RNF19B: variants seen among roughly 807,000 people sequenced by gnomAD.
RNF19B encodes ring finger protein 19B, also known as E3 ubiquitin-protein ligase RNF19B.
Under a neutral mutation model 65.5 loss-of-function variants are expected in RNF19B, and 23 were observed. The observed-to-expected ratio is 0.35, with a 90% CI of 0.25 to 0.50. The LOEUF (loss-of-function observed/expected upper bound fraction) is 0.50, where lower values mean the gene tolerates loss of function less well. Ranked by LOEUF, RNF19B falls within the 20% of genes least tolerant of loss-of-function variation. The pLI is 0.98. For missense variants in RNF19B, 794 were observed against 980.0 expected (o/e 0.81, Z 2.53); for synonymous variants, 372 against 379.6 (o/e 0.98, Z 0.23).
chr1:32,951,034 T>TCCC (rs1390387280), intron 1 of RNF19B, among the ~76,000 whole-genome samples: 1 of 151,894 alleles, frequency 6.6e-6, no homozygotes, highest in East Asian at 1.9e-4. Flanking sequence ...AGATAGGGTT[T>TCCC]CACCATGTTG....
chr1:32,948,088 G>A (rs1023506793), intron 3 of RNF19B, 134 bp downstream of exon 3: 8 of 782,992 alleles, frequency 1.0e-5, no homozygotes, highest in Admixed American at 2.5e-5. Context: ...ATGATTAGAG[G>A]AGCATGTCAG....
In RNF19B at chr1:32,963,679, T is replaced by C. The variant is rs530243838; in HGVS notation, c.635+372A>G. ...GTTGCAGTGAGCCGAGATCGCGCCA[T>C]TGCACTCCAGCCTGGGCGGCAGGGC... is the stretch of plus-strand genomic sequence containing the variant. On this transcript the variant is annotated intron_variant, in intron 1 of 8. Coordinates refer to ENST00000235150, the MANE Select transcript of RNF19B (RefSeq NM_001300826.2). 3.4e-3 allele frequency among the ~76,000 whole-genome samples: 505 copies of C among 150,556 alleles called. 1 individual carries two copies. Among genetic ancestry groups the C allele is most frequent in the Middle Eastern group, 0.027 (8 of 294 alleles).
Position 32,964,772 on chromosome 1 carries a change from G to A in RNF19B, c.-87C>T, listed in dbSNP as rs573221272. The A allele has an allele frequency of 1.4e-4, 171 of 1,217,196 alleles. 2 individuals are homozygous for A. In the East Asian group the frequency reaches 5.1e-3, roughly 36 times the overall value. 75.4% of individuals were successfully genotyped at this position (1,217,196 alleles called of 1,614,324 possible). ...CCTCAGCCAGCGCCCGGCCGCCGCC[G>A]ACGCCGCCACCACCGCCTCAACCGC... On this transcript the variant is annotated 5_prime_UTR_variant, in exon 1 of 9. Coordinates refer to ENST00000235150, the MANE Select transcript of RNF19B (RefSeq NM_001300826.2). The surrounding 1 kb of genome is among the most constrained non-coding windows in gnomAD (Gnocchi z 6.5).
chr1:32,944,017 A>G lies in RNF19B; in HGVS notation c.1402+2T>C. On this transcript the variant is annotated splice_donor_variant, in intron 6 of 8. Transcript: ENST00000235150. LOFTEE classifies it high-confidence loss of function. ...AATGGAAATAAACATCCTGCTTTTT[A>G]CCTGTGATTGGACCATCATCTTCAT... The G allele has an allele frequency of 6.3e-7, 1 of 1,599,008 alleles. No individual in the cohort carries two copies. Among genetic ancestry groups the G allele is most frequent in the Non-Finnish European group, 8.5e-7 (1 of 1,170,344 alleles).
Position 32,946,436 on chromosome 1 carries a change from A to G in RNF19B, c.1112T>C (p.Met371Thr). 6.2e-7 allele frequency: 1 copy of G among 1,613,828 alleles called. No individual in the cohort carries two copies. The highest frequency in any genetic ancestry group is 1.1e-5 in the South Asian group (1 of 91,068). The change falls in exon 4 of 9, where the codon ATG becomes ACG. Residue 371 changes from methionine (M) to threonine (T), a missense_variant. By Grantham distance (81) the Met-to-Thr change is moderately conservative. Around this residue, in one of 3 missense-constraint regions of RNF19B, gnomAD observed 52 missense variants for 108.8 expected, o/e 0.48. Coordinates refer to ENST00000235150, the MANE Select transcript of RNF19B (RefSeq NM_001300826.2). ...AACATAAACAGGAATGCCAATGACC[A>G]TGGCAGGAATGGCAATGCCAGCAAT... ...SLIAGIAIPA[M>T]VIGIPVYVGR...
intron 2 of RNF19B, among the ~76,000 whole-genome samples, 164 bp from the exon 3 acceptor site, chr1:32,948,527 C>T (rs1642420237): frequency 6.6e-6 from 1 of 152,210 alleles, no homozygotes; most frequent in African/African-American, 2.4e-5. Flanking sequence ...TTGGCTATGT[C>T]TAGACCTCAG....
chr1:32,947,782 C>T lies in RNF19B; in HGVS notation c.983+440G>A, dbSNP rs138546350. Among the ~76,000 whole-genome samples the T allele has an allele frequency of 5.3e-5, 8 of 151,706 alleles. No homozygotes were observed. The East Asian group carries it at 7.8e-4, about 15-fold the overall frequency. On this transcript the variant is annotated intron_variant, in intron 3 of 8. Coordinates refer to ENST00000235150, the MANE Select transcript of RNF19B (RefSeq NM_001300826.2). ...ACAGTTTAGTAAGATAAGATAGGTA[C>T]GTGAAGTGTAAAGTACTGACGATAT...
chr1:32,936,909 G>C lies in RNF19B; in HGVS notation c.2093C>G (p.Pro698Arg). 1 of 1,614,032 alleles carries C rather than the reference G, an allele frequency of 6.2e-7. No homozygotes were observed. Among genetic ancestry groups the C allele is most frequent in the Non-Finnish European group, 8.5e-7 (1 of 1,180,006 alleles). ...TGGGCTCGGTGCACCTTGGGCTCTG[G>C]GGGTCGAGGGGCAGGCTGCAGTATG... ...RSHTAACPST[P>R]RAQGAPSPSA... The change falls in exon 9 of 9, where the codon CCC becomes CGC. Residue 698 changes from proline to arginine, a missense_variant. Physicochemically the swap from Pro to Arg is moderately radical, Grantham distance 103 (BLOSUM62 -2). Around this residue, in one of 3 missense-constraint regions of RNF19B, gnomAD observed 368 missense variants for 447.3 expected, o/e 0.82. Transcript: ENST00000235150.
intron 1 of RNF19B, among the ~76,000 whole-genome samples, chr1:32,950,252 C>T (rs537253690): frequency 5.9e-5 from 9 of 152,212 alleles, no homozygotes; most frequent in African/African-American, 1.7e-4. Flanking sequence ...GGATTACAGG[C>T]GTGAGCCACC....
chr1:32,942,578 T>TGCA, intron 6 of RNF19B, 119 bp from the exon 7 acceptor site: 1 of 741,290 alleles, frequency 1.3e-6, no homozygotes, highest in East Asian at 2.7e-5. Flanking sequence ...AGGTACTGTG[T>TGCA]GCAGTCGCCA....
chr1:32,931,385 G>C, the RNF19B span, among the ~76,000 whole-genome samples: 4 of 152,130 alleles, frequency 2.6e-5, no homozygotes, highest in African/African-American at 9.7e-5. Flanking sequence ...GGTGGGACAC[G>C]AGAAGTATTA....
chr1:32,942,184 A>C (rs1642250721), intron 7 of RNF19B, 68 bp downstream of exon 7: 12 of 1,282,058 alleles, frequency 9.4e-6, no homozygotes, highest in African/African-American at 1.5e-5. Context: ...CCTGGCACAG[A>C]GAAATGGCTC....
At chr1:32,941,577 A>G (rs1642233215) in intron 7 of RNF19B, among the ~76,000 whole-genome samples, 1 of 152,146 alleles carries the variant, frequency 6.6e-6, no homozygotes, top group Admixed American at 6.5e-5. Flanking sequence ...ATGATACAGC[A>G]TAAATGCTAC....
At chr1:32,947,476 T>C (rs1281090812) in intron 3 of RNF19B, among the ~76,000 whole-genome samples, 1 of 152,034 alleles carries the variant, frequency 6.6e-6, no homozygotes, top group African/African-American at 2.4e-5. Flanking sequence ...CTGGCTAACA[T>C]GGTGAAACCC....
At chr1:32,947,795 GTACTGACGATATT>G (rs527698035) in intron 3 of RNF19B, among the ~76,000 whole-genome samples, 6 of 151,986 alleles carry the variant, frequency 3.9e-5, no homozygotes, top group Admixed American at 1.3e-4. Flanking sequence ...GAAGTGTAAA[GTACTGACGATATT>G]TATGACAAAA....
At chr1:32,932,405 C>T (rs1017303779), downstream of RNF19B, among the ~76,000 whole-genome samples, 1 of 152,182 alleles carries the variant, frequency 6.6e-6, no homozygotes, top group Admixed American at 6.5e-5. Flanking sequence ...CTAAAGATAA[C>T]CCCTGAATCA....
At chr1:32,943,386 C>G (rs760203644) in intron 6 of RNF19B, among the ~76,000 whole-genome samples, 1 of 151,576 alleles carries the variant, frequency 6.6e-6, no homozygotes, top group Non-Finnish European at 1.5e-5. Context: ...CCAAGGTGGG[C>G]GGATCATGGG....
chr1:32,942,275 G>T lies in RNF19B; in HGVS notation c.1587C>A (p.Ser529=). Residue 529 remains serine (S), a synonymous_variant, in exon 7 of 9, where the codon TCC becomes TCA. Transcript: ENST00000235150. ...SGGTLSGGIL[S]SGKGKYSRLE... is the part of the protein sequence containing the mutation. Reference sequence around the variant, plus strand: ...ACCTGCTATATTTTCCCTTGCCACTGGAGAGAATGCCGCCACTCAGCGTGC... The same window carrying T: ...ACCTGCTATATTTTCCCTTGCCACTTGAGAGAATGCCGCCACTCAGCGTGC... 1.2e-6 allele frequency: 2 copies of T among 1,611,276 alleles called. No homozygotes were observed. The highest frequency in any genetic ancestry group is 1.7e-6 in the Non-Finnish European group (2 of 1,177,618).
chr1:32,964,783 C>G lies in RNF19B; in HGVS notation c.-98G>C. Reference sequence around the variant, plus strand: ...GCCCGGCCGCCGCCGACGCCGCCACCACCGCCTCAACCGCCCTCCCGGCGA... The same window carrying G: ...GCCCGGCCGCCGCCGACGCCGCCACGACCGCCTCAACCGCCCTCCCGGCGA... On this transcript the variant is annotated 5_prime_UTR_variant, in exon 1 of 9. Transcript: ENST00000235150. The surrounding 1 kb of genome is among the most constrained non-coding windows in gnomAD (Gnocchi z 6.5). 4.3e-6 allele frequency: 5 copies of G among 1,159,600 alleles called. No homozygotes were observed. Among genetic ancestry groups the G allele is most frequent in the Non-Finnish European group, 5.5e-6 (5 of 906,762 alleles). The allele number at this position is 1,159,600 out of a possible 1,614,324, so 71.8% of individuals were successfully genotyped here.
Sources: allele counts gnomAD v4.1 joint callset (sites outside exome capture counted in the v4.1 genomes callset), GRCh38; gene constraint gnomAD v4.1.1; regional missense constraint gnomAD v4.1.1; non-coding constraint Gnocchi (gnomAD v3.1); transcripts MANE v1.5; gene names NCBI Gene and HGNC (gene_info 2026-07-23, HGNC 2026-07-21).